The following CALCB variants were observed in gnomAD, a reference collection of about 807,000 sequenced individuals.
CALCB encodes the protein calcitonin gene-related peptide 2.
CALCB carries 8 observed loss-of-function variants against 10.7 expected under a neutral mutation model. That is an observed-to-expected ratio of 0.75 (90% confidence interval 0.44 to 1.34). The LOEUF (loss-of-function observed/expected upper bound fraction) is 1.34. CALCB is among the 40% of genes most tolerant of loss of function. The pLI, the probability that CALCB is intolerant of heterozygous loss-of-function variation, is 0.01. For synonymous variants in CALCB, 76 were observed against 66.9 expected, an observed-to-expected ratio of 1.14 and a Z score of -0.66; for missense variants, 176 against 162.5, an observed-to-expected ratio of 1.08 and a Z score of -0.45.
intron 4 of CALCB, 21 bp from the exon 5 acceptor site, chr11:15,078,062 C>A (rs1320703992): frequency 6.6e-6 from 1 of 151,972 alleles, no homozygotes; most frequent in East Asian, 1.9e-4. Context: ...CCCTCCTCTT[C>A]TTTTTTTCCC....
At chr11:15,075,697 C>T (rs1269451155) in intron 3 of CALCB, among the ~76,000 whole-genome samples, 1 of 152,158 alleles carries the variant, frequency 6.6e-6, no homozygotes, top group East Asian at 1.9e-4. Flanking sequence ...AGATGAAGCC[C>T]TTGCAGGGGG....
intron 3 of CALCB, among the ~76,000 whole-genome samples, chr11:15,075,777 T>C (rs903823719): frequency 6.6e-6 from 1 of 152,134 alleles, no homozygotes; most frequent in African/African-American, 2.4e-5. Context: ...ATGTGCATGT[T>C]GTCATGAGGC....
At chr11:15,077,711 G>C (rs977676419) in intron 4 of CALCB, among the ~76,000 whole-genome samples, 11 of 152,184 alleles carry the variant, frequency 7.2e-5, no homozygotes, top group Non-Finnish European at 1.2e-4. Flanking sequence ...TTCAGAAAGG[G>C]AGAGGTCTGC....
intron 3 of CALCB, 53 bp from the exon 4 acceptor site, chr11:15,077,233 C>G: frequency 6.3e-7 from 1 of 1,595,166 alleles, no homozygotes; most frequent in Non-Finnish European, 8.6e-7. Context: ...GAAGGCTCCT[C>G]CCCCAGCTTT....
rs773655356 is a variant in CALCB at position 15,074,736 on chromosome 11, C to T, written c.18C>T (p.Phe6=). MGFRK[F]SPFLALSILV... Reference sequence around the variant, plus strand: ...GAGGCGGCATGGGTTTCCGGAAGTTCTCCCCCTTCCTGGCTCTCAGTATCT... The same window carrying T: ...GAGGCGGCATGGGTTTCCGGAAGTTTTCCCCCTTCCTGGCTCTCAGTATCT... The change falls in exon 2 of 5, where the codon TTC becomes TTT. Residue 6 remains phenylalanine, a synonymous_variant. Coordinates refer to ENST00000324229, the MANE Select transcript of CALCB (RefSeq NM_000728.4). 11 of 1,613,968 alleles carry T rather than the reference C, an allele frequency of 6.8e-6. No homozygotes were observed. The African/African-American group carries it at 1.3e-4, about 20-fold the overall frequency.
chr11:15,075,710 G>A (rs1342495693), intron 3 of CALCB, among the ~76,000 whole-genome samples: 1 of 152,068 alleles, frequency 6.6e-6, no homozygotes, highest in Non-Finnish European at 1.5e-5. Context: ...GCAGGGGGTG[G>A]GGACAGAGCA....
chr11:15,076,351 C>T (rs1013592047), intron 3 of CALCB, among the ~76,000 whole-genome samples: 7 of 152,204 alleles, frequency 4.6e-5, no homozygotes, highest in African/African-American at 1.7e-4. Flanking sequence ...ACTCCAGGGT[C>T]CCCCAGATGG....
chr11:15,075,029 C>T (rs1366664932), intron 2 of CALCB, 32 bp from the exon 3 acceptor site: 1 of 1,613,222 alleles, frequency 6.2e-7, no homozygotes, highest in Non-Finnish European at 8.5e-7. Flanking sequence ...CAGGGGCTCA[C>T]AGCCTGCAAG....
At chr11:15,077,184 C>A in intron 3 of CALCB, 102 bp from the exon 4 acceptor site, 1 of 1,259,832 alleles carries the variant, frequency 7.9e-7, no homozygotes, top group African/African-American at 1.5e-5. Flanking sequence ...GAAACACTTA[C>A]TGTTAGGTGG....
In CALCB at chr11:15,075,042, G is replaced by A. The variant is rs755671523; in HGVS notation, c.87-19G>A. 10 of 1,614,024 alleles carry A rather than the reference G, an allele frequency of 6.2e-6. No homozygotes were observed. On this transcript the variant is annotated intron_variant, in intron 2 of 4. Coordinates refer to ENST00000324229, the MANE Select transcript of CALCB (RefSeq NM_000728.4). ...GTCAGGGGCTCACAGCCTGCAAGGAGTTTGCTTCCCTTCCACAGGTCTGCC... is the reference window on the plus strand; with the variant it reads ...GTCAGGGGCTCACAGCCTGCAAGGAATTTGCTTCCCTTCCACAGGTCTGCC...
rs753029780 is a variant in CALCB at position 15,077,337 on chromosome 11, G to GCT, written c.277_278dup (p.Ala94TrpfsTer5). Reference sequence around the variant, plus strand: ...ACACTGCCACCTGTGTGACTCATCGGCTGGCAGGCTTGCTGAGCAGATCAG... The same window carrying GCT: ...ACACTGCCACCTGTGTGACTCATCGGCTCTGGCAGGCTTGCTGAGCAGATCAG... On this transcript the variant is annotated frameshift_variant, in exon 4 of 5. Transcript: ENST00000324229. LOFTEE classifies it high-confidence loss of function. 6 of 1,614,136 alleles carry GCT rather than the reference G, an allele frequency of 3.7e-6. No individual in the cohort carries two copies.
At position 15,075,228 on chromosome 11, in the gene CALCB, A is replaced by T. The variant is rs543967867; in HGVS notation, c.224+30A>T. 2.3e-4 allele frequency: 373 copies of T among 1,612,968 alleles called. 4 individuals carry two copies. The South Asian group carries it at 4.0e-3, about 17-fold the overall frequency. On this transcript the variant is annotated intron_variant, in intron 3 of 4. Transcript: ENST00000324229. ...GGTTCCCCAAGCGCCCAGCACAGGG[A>T]CTCCTCTCCCCGCAGCATACACAGG...
chr11:15,073,694 A>C (rs1461182056), intron 1 of CALCB, 31 bp downstream of exon 1: 1 of 152,338 alleles, frequency 6.6e-6, no homozygotes, highest in Non-Finnish European at 1.5e-5. Flanking sequence ...CATTCCGCTC[A>C]CTCGAATAAC....
chr11:15,075,994 C>G lies in CALCB; in HGVS notation c.224+796C>G, dbSNP rs748313328. Among the ~76,000 whole-genome samples, 181 of 152,282 alleles carry G rather than the reference C, an allele frequency of 1.2e-3. 1 individual carries two copies. The highest frequency in any genetic ancestry group is 1.9e-3 in the Non-Finnish European group (130 of 68,018). On this transcript the variant is annotated intron_variant, in intron 3 of 4. Coordinates refer to ENST00000324229, the MANE Select transcript of CALCB (RefSeq NM_000728.4). ...CTTCCTCATTCAGCCCTTCTCTACACTGCCCTGGCCCACTGACCCTCTCAC... is the reference window on the plus strand; with the variant it reads ...CTTCCTCATTCAGCCCTTCTCTACAGTGCCCTGGCCCACTGACCCTCTCAC...
intron 3 of CALCB, among the ~76,000 whole-genome samples, chr11:15,075,989 C>G (rs1173273338): frequency 1.3e-5 from 2 of 152,140 alleles, no homozygotes; most frequent in East Asian, 3.9e-4. Flanking sequence ...CAGCCCTTCT[C>G]TACACTGCCC....
In CALCB at chr11:15,075,061, G is replaced by C. The variant is rs541439036; in HGVS notation, c.87G>C (p.Arg29Ser). Residue 29 changes from arginine to serine, a missense_variant and splice_region_variant, in exon 3 of 5, where the codon AGG becomes AGC. Physicochemically the swap from Arg to Ser is moderately radical, Grantham distance 110. Coordinates refer to ENST00000324229, the MANE Select transcript of CALCB (RefSeq NM_000728.4). Reference sequence around the variant, plus strand: ...CAAGGAGTTTGCTTCCCTTCCACAGGTCTGCCCTGGAGAGCAGCCCAGACC... The same window carrying C: ...CAAGGAGTTTGCTTCCCTTCCACAGCTCTGCCCTGGAGAGCAGCCCAGACC... ...QAGSLQAAPF[R>S]SALESSPDPA... 2 of 1,614,232 alleles carry C rather than the reference G, an allele frequency of 1.2e-6. No individual in the cohort carries two copies. Among genetic ancestry groups the C allele is most frequent in the Non-Finnish European group, 1.7e-6 (2 of 1,180,044 alleles).
At chr11:15,077,717 T>C (rs1333750719) in intron 4 of CALCB, among the ~76,000 whole-genome samples, 1 of 151,900 alleles carries the variant, frequency 6.6e-6, no homozygotes, top group Admixed American at 6.6e-5. Flanking sequence ...AAGGGAGAGG[T>C]CTGCAAACCT....
At chr11:15,074,882 C>T (rs533078689) in intron 2 of CALCB, 78 bp downstream of exon 2, 509 of 1,418,962 alleles carry the variant, frequency 3.6e-4, no homozygotes, top group Non-Finnish European at 4.4e-4. Flanking sequence ...TCTGAAGTCA[C>T]GCGTGGCTCC....
At chr11:15,076,337 C>T (rs1850393385) in intron 3 of CALCB, among the ~76,000 whole-genome samples, 2 of 152,178 alleles carry the variant, frequency 1.3e-5, no homozygotes, top group African/African-American at 2.4e-5. Context: ...GGGACCACTA[C>T]CCGACTCCAG....
Sources: allele counts gnomAD v4.1 joint callset (sites outside exome capture counted in the v4.1 genomes callset), GRCh38; gene constraint gnomAD v4.1.1; transcripts MANE v1.5; gene names NCBI Gene and HGNC (gene_info 2026-07-23, HGNC 2026-07-21).